NRG1: variants seen among roughly 807,000 people sequenced by gnomAD.
NRG1 encodes neuregulin 1.
In NRG1, 18 loss-of-function variants were observed where a neutral mutation model predicts 63.8. That is an observed-to-expected ratio of 0.28 (90% CI 0.19 to 0.42). The LOEUF (loss-of-function observed/expected upper bound fraction) is 0.42. NRG1 is among the 10% of genes least tolerant of loss of function. The pLI, the probability that NRG1 is intolerant of heterozygous loss-of-function variation, is 1.00. For synonymous variants in NRG1, 302 were observed against 301.3 expected, an observed-to-expected ratio of 1.00 and a Z score of -0.02; for missense variants, 762 against 814.7, an observed-to-expected ratio of 0.94 and a Z score of 0.79.
At chr8:32,256,922 T>C (rs1849788667) in intron 1 of NRG1, among the ~76,000 whole-genome samples, 1 of 152,164 alleles carries the variant, frequency 6.6e-6, no homozygotes, top group Admixed American at 6.5e-5. Context: ...TCCAGGGAGA[T>C]GGGAGTTTTA....
intron 5 of NRG1, among the ~76,000 whole-genome samples, chr8:32,687,570 G>GA (rs775257082): frequency 1.1e-4 from 16 of 152,196 alleles, no homozygotes; most frequent in Non-Finnish European, 2.1e-4. Context: ...CATTAGCTGA[G>GA]ACCGTGCTCC....
chr8:31,775,746 G>A (rs1819057265), intron 1 of NRG1, among the ~76,000 whole-genome samples: 1 of 151,988 alleles, frequency 6.6e-6, no homozygotes, highest in East Asian at 1.9e-4. Context: ...AGCTGGGCAT[G>A]ATGGTGGGTG....
At chr8:32,544,923 T>C (rs1832929122), upstream of NRG1, among the ~76,000 whole-genome samples, 1 of 150,154 alleles carries the variant, frequency 6.7e-6, no homozygotes, top group Non-Finnish European at 1.5e-5. Flanking sequence ...TTTCTTTGCA[T>C]TCATGCATCT....
At chr8:32,354,656 G>A (rs1806107383) in intron 1 of NRG1, among the ~76,000 whole-genome samples, 1 of 151,706 alleles carries the variant, frequency 6.6e-6, no homozygotes, top group Non-Finnish European at 1.5e-5. Flanking sequence ...ACTCTGGAAG[G>A]CCGAGGTGGG....
At chr8:31,670,622 G>T (rs1025339587) in intron 1 of NRG1, among the ~76,000 whole-genome samples, 1 of 151,588 alleles carries the variant, frequency 6.6e-6, no homozygotes, top group African/African-American at 2.4e-5. Flanking sequence ...TCAGAGAAAG[G>T]GATCATAAGT....
chr8:32,180,568 T>C (rs73232256), intron 1 of NRG1, among the ~76,000 whole-genome samples: 8,563 of 152,218 alleles, frequency 0.056, 391 homozygotes, highest in East Asian at 0.26. Flanking sequence ...GTGGTTTCTA[T>C]TGGTGACAAA....
At chr8:31,924,780 C>T (rs995859985) in intron 1 of NRG1, among the ~76,000 whole-genome samples, 4 of 151,604 alleles carry the variant, frequency 2.6e-5, no homozygotes, top group Non-Finnish European at 5.9e-5. Flanking sequence ...GCTACTTTCC[C>T]TAGGTTTTGA....
At chr8:32,020,757 C>G (rs888974943) in intron 1 of NRG1, among the ~76,000 whole-genome samples, 1 of 152,086 alleles carries the variant, frequency 6.6e-6, no homozygotes, top group African/African-American at 2.4e-5. Context: ...TTCAGAATAC[C>G]TTTGTATTTC....
chr8:32,396,554 T>C (rs1279049007), intron 1 of NRG1, among the ~76,000 whole-genome samples: 1 of 152,146 alleles, frequency 6.6e-6, no homozygotes, highest in Non-Finnish European at 1.5e-5. Flanking sequence ...GCTGAAGCGA[T>C]TCTCCTGCCT....
intron 1 of NRG1, among the ~76,000 whole-genome samples, chr8:31,838,299 G>C (rs927015191): frequency 6.6e-6 from 1 of 151,852 alleles, no homozygotes; most frequent in African/African-American, 2.4e-5. Context: ...TCTCTTCCAT[G>C]GAATCTGCCT....
At chr8:31,868,350 A>G (rs1332716926) in intron 1 of NRG1, among the ~76,000 whole-genome samples, 1 of 152,192 alleles carries the variant, frequency 6.6e-6, no homozygotes, top group Non-Finnish European at 1.5e-5. Context: ...GAGGAAATGC[A>G]TAATGGAAGT....
chr8:32,630,733 T>G (rs1334239529), intron 5 of NRG1, among the ~76,000 whole-genome samples: 1 of 152,000 alleles, frequency 6.6e-6, no homozygotes, highest in Non-Finnish European at 1.5e-5. Flanking sequence ...TTTTAGGTTT[T>G]TTTTTTTTTT....
intron 1 of NRG1, among the ~76,000 whole-genome samples, chr8:31,789,599 G>A (rs1820498497): frequency 6.6e-6 from 1 of 152,176 alleles, no homozygotes; most frequent in Non-Finnish European, 1.5e-5. Flanking sequence ...TTATAGTTGA[G>A]CCCCGAGTAA....
At chr8:32,633,640 T>C (rs1408379056) in intron 5 of NRG1, among the ~76,000 whole-genome samples, 2 of 152,202 alleles carry the variant, frequency 1.3e-5, no homozygotes, top group Non-Finnish European at 2.9e-5. Context: ...CTATGGACTC[T>C]TACTTCTGAA....
At chr8:32,078,949 C>T (rs564692055) in intron 1 of NRG1, among the ~76,000 whole-genome samples, 19 of 152,242 alleles carry the variant, frequency 1.2e-4, no homozygotes, top group African/African-American at 4.3e-4. Context: ...GGCAGTTATT[C>T]ATTAATTTAC....
At chr8:32,326,344 C>T (rs1466319676) in intron 1 of NRG1, among the ~76,000 whole-genome samples, 1 of 142,836 alleles carries the variant, frequency 7.0e-6, no homozygotes, top group East Asian at 2.1e-4. Context: ...CAAGGTCTCA[C>T]TCTGTCACCC....
intron 1 of NRG1, among the ~76,000 whole-genome samples, chr8:32,481,069 C>A (rs558992747): frequency 6.6e-6 from 1 of 152,140 alleles, no homozygotes; most frequent in African/African-American, 2.4e-5. Flanking sequence ...ATAGGCCAGG[C>A]GCAGTGGCTG....
chr8:32,223,031 C>A (rs1450306847), intron 1 of NRG1, among the ~76,000 whole-genome samples: 2 of 152,112 alleles, frequency 1.3e-5, no homozygotes, highest in African/African-American at 4.8e-5. Flanking sequence ...CTATGTTGTT[C>A]TGTTTTTCTT....
chr8:32,129,858 C>A (rs945704889), intron 1 of NRG1, among the ~76,000 whole-genome samples: 1 of 151,714 alleles, frequency 6.6e-6, no homozygotes, highest in Non-Finnish European at 1.5e-5. Context: ...GCTATTTATC[C>A]CAAATAGAAA....
Sources: allele counts gnomAD v4.1 joint callset (sites outside exome capture counted in the v4.1 genomes callset), GRCh38; gene constraint gnomAD v4.1.1; transcripts MANE v1.5; gene names NCBI Gene and HGNC (gene_info 2026-07-23, HGNC 2026-07-21).